SMARCE1: variants seen among roughly 807,000 people sequenced by gnomAD.
The protein encoded by SMARCE1 is SWI/SNF-related matrix-associated actin-dependent regulator of chromatin subfamily E member 1.
SMARCE1 carries 13 observed loss-of-function variants against 54.9 expected under a neutral mutation model. The ratio of observed to expected loss-of-function variants is 0.24; its 90% CI spans 0.15 to 0.38. The LOEUF (loss-of-function observed/expected upper bound fraction) is 0.38. SMARCE1 is among the 10% of genes least tolerant of loss of function. The pLI is 1.00. For missense variants in SMARCE1, 295 were observed against 523.8 expected (o/e 0.56, Z 4.26); for synonymous variants, 151 against 175.3 (o/e 0.86, Z 1.10).
intron 4 of SMARCE1, among the ~76,000 whole-genome samples, chr17:40,638,583 A>G (rs548669308): frequency 6.6e-6 from 1 of 152,234 alleles, no homozygotes; most frequent in East Asian, 1.9e-4. Flanking sequence ...CACCCATCTA[A>G]AAGTATCTAT....
chr17:40,630,488 T>C (rs2037082091), intron 10 of SMARCE1: 1 of 627,344 alleles, frequency 1.6e-6, no homozygotes, highest in African/African-American at 1.8e-5. Flanking sequence ...AATGCTGTCC[T>C]AGGACACCAA....
intron 10 of SMARCE1, 176 bp from the exon 11 acceptor site, chr17:40,629,169 T>G: frequency 1.7e-6 from 1 of 572,210 alleles, no homozygotes; most frequent in South Asian, 2.5e-5. Context: ...AATTTGGGTA[T>G]GAAAATCTAC....
chr17:40,647,483 CTCTT>C (rs1229790616), intron 1 of SMARCE1: 1 of 152,520 alleles, frequency 6.6e-6, no homozygotes, highest in Non-Finnish European at 1.5e-5. Context: ...TGAGGTCGCT[CTCTT>C]TGTCTTGGAG....
Position 40,635,955 on chromosome 17 carries a change from T to A in SMARCE1, c.517A>T (p.Ile173Phe). Reference sequence around the variant, plus strand: ...CCATCTGGATCTTCAGCAGGCTGAATGCTCATGTACGGTTCTCCTTTCTCC... The same window carrying A: ...CCATCTGGATCTTCAGCAGGCTGAAAGCTCATGTACGGTTCTCCTTTCTCC... ...RMEKGEPYMS[I>F]QPAEDPDDYD... Residue 173 changes from isoleucine (I) to phenylalanine (F), a missense_variant, in exon 7 of 11, where the codon ATT becomes TTT. Physicochemically the swap from Ile to Phe is conservative, Grantham distance 21 (BLOSUM62 0). This residue lies in a region of SMARCE1 where 101 missense variants were observed against 183.1 expected (regional missense o/e 0.55). Coordinates refer to ENST00000348513, the MANE Select transcript of SMARCE1 (RefSeq NM_003079.5). The A allele has an allele frequency of 6.3e-7, 1 of 1,589,132 alleles. No homozygotes were observed. Among genetic ancestry groups the A allele is most frequent in the Non-Finnish European group, 8.6e-7 (1 of 1,169,580 alleles).
Position 40,642,693 on chromosome 17 carries a change from G to A in SMARCE1, c.52-134C>T. On this transcript the variant is annotated intron_variant, in intron 3 of 10. Transcript: ENST00000348513. This position sits in a 1 kb window ranked among gnomAD's most constrained non-coding sequence, Gnocchi z 4.6. ...AAACAAGCAATGATGTGTTGTAATT[G>A]TTCTTTTTTTCCACTGAGGAAATTA... is the stretch of plus-strand genomic sequence containing the variant. The A allele has an allele frequency of 3.3e-6, 2 of 597,228 alleles. No individual in the cohort carries two copies. The allele number at this position is 597,228 out of a possible 1,614,324, so 37.0% of individuals were successfully genotyped here. A position where few individuals can be genotyped will look rare whatever the true frequency, so the allele number is the denominator to read the frequency against.
intron 1 of SMARCE1, 128 bp downstream of exon 1, chr17:40,647,645 C>A (rs548857150): frequency 6.5e-6 from 1 of 152,872 alleles, no homozygotes; most frequent in Admixed American, 6.5e-5. Context: ...AGGCCTCAAC[C>A]GGCTCCTGGC....
chr17:40,637,409 G>A, intron 5 of SMARCE1, 83 bp downstream of exon 5: 1 of 1,119,136 alleles, frequency 8.9e-7, no homozygotes, highest in South Asian at 1.2e-5. Flanking sequence ...AGAAAAGCTG[G>A]CTAAGCCGAT....
chr17:40,625,717 T>C lies in SMARCE1; in HGVS notation c.*3068A>G, dbSNP rs1260579424. On this transcript the variant is annotated 3_prime_UTR_variant, in exon 11 of 11. Coordinates refer to ENST00000348513, the MANE Select transcript of SMARCE1 (RefSeq NM_003079.5). ...CTGGAGGGATCTAGTTAAACTTCAA[T>C]ATGCATGACCCCAGATTCCCCTTTA... The C allele has an allele frequency of 1.3e-5, 2 of 152,188 alleles. No homozygotes were observed. Among genetic ancestry groups the C allele is most frequent in the East Asian group, 3.8e-4 (2 of 5,198 alleles). The allele number at this position is 152,188 out of a possible 1,614,324, so 9.4% of individuals were successfully genotyped here.
chr17:40,629,548 A>G, intron 10 of SMARCE1: 1 of 1,221,854 alleles, frequency 8.2e-7, no homozygotes, highest in African/African-American at 1.6e-5. Context: ...CACTTTGTTT[A>G]AAGTCATGCT....
intron 1 of SMARCE1, among the ~76,000 whole-genome samples, chr17:40,646,539 A>G (rs1292773033): frequency 2.0e-5 from 3 of 152,174 alleles, no homozygotes; most frequent in African/African-American, 2.4e-5. Context: ...CTATATTATT[A>G]TAACTTTTTT....
At chr17:40,633,319 A>G (rs1326346816) in intron 7 of SMARCE1, 2 of 152,056 alleles carry the variant, frequency 1.3e-5, no homozygotes, top group Non-Finnish European at 2.9e-5. Context: ...CTACAGGCTT[A>G]TTTTTAATAG....
intron 9 of SMARCE1, chr17:40,631,212 C>T (rs1365792938): frequency 1.5e-5 from 5 of 344,244 alleles, no homozygotes; most frequent in East Asian, 1.0e-4. Context: ...TTCCGTTTTA[C>T]ATTTTGGGCT....
intron 10 of SMARCE1, chr17:40,629,344 T>C: frequency 2.4e-6 from 1 of 420,200 alleles, no homozygotes. Flanking sequence ...TAGGATATGT[T>C]GAATTAAATA....
chr17:40,637,754 AT>A, intron 4 of SMARCE1, 182 bp from the exon 5 acceptor site: 1 of 584,400 alleles, frequency 1.7e-6, no homozygotes, highest in Non-Finnish European at 3.1e-6. Flanking sequence ...TAAGCACATA[AT>A]TTTTAAATGT....
At chr17:40,632,508 G>A (rs2037105217) in intron 7 of SMARCE1, 141 bp from the exon 8 acceptor site, 1 of 646,024 alleles carries the variant, frequency 1.5e-6, no homozygotes, top group Non-Finnish European at 2.7e-6. Context: ...GGGAGCACTG[G>A]GGCAGTTACT....
intron 4 of SMARCE1, 21 bp from the exon 5 acceptor site, chr17:40,637,593 T>C: frequency 6.3e-7 from 1 of 1,584,394 alleles, no homozygotes; most frequent in Non-Finnish European, 8.7e-7. Context: ...GTTAAATACA[T>C]TCATTATTCA....
rs760055527 is a variant in SMARCE1 at position 40,628,722 on chromosome 17, T to C, written c.*63A>G. On this transcript the variant is annotated 3_prime_UTR_variant, in exon 11 of 11. Transcript: ENST00000348513. ...TTAATACACAAACCACGTAACACCA[T>C]TAAAACCAAAAAACATTTTTTCATT... 14 of 1,426,306 alleles carry C rather than the reference T, an allele frequency of 9.8e-6. No homozygotes were observed. Among genetic ancestry groups the C allele is most frequent in the African/African-American group, 1.4e-5 (1 of 71,114 alleles). The allele number at this position is 1,426,306 out of a possible 1,614,324, so 88.4% of individuals were successfully genotyped here. A position where few individuals can be genotyped will look rare whatever the true frequency, so the allele number is the denominator to read the frequency against.
At chr17:40,630,243 C>A (rs750505289) in intron 10 of SMARCE1, 15 of 1,541,308 alleles carry the variant, frequency 9.7e-6, no homozygotes, top group Non-Finnish European at 1.3e-5. Context: ...AATCAGTATA[C>A]CTAGAAGTAA....
At chr17:40,645,700 T>C (rs1195597274) in intron 2 of SMARCE1, 81 bp from the exon 3 acceptor site, 11 of 1,167,716 alleles carry the variant, frequency 9.4e-6, no homozygotes, top group Non-Finnish European at 2.4e-6. Context: ...GGTCCTGTTT[T>C]GAAGAAAAAA....
Sources: gnomAD v4.1 joint callset for allele counts (sites outside exome capture counted in the v4.1 genomes callset) on GRCh38, gnomAD v4.1.1 for gene constraint, gnomAD v4.1.1 regional missense constraint, Gnocchi (gnomAD v3.1) non-coding constraint, MANE v1.5 for transcripts, NCBI Gene and HGNC (gene_info 2026-07-23, HGNC 2026-07-21) for gene names.